Variants in LRRC4C observed in about 807,000 individuals in gnomAD.
LRRC4C encodes leucine rich repeat containing 4C, also known as leucine-rich repeat-containing protein 4C.
LRRC4C carries 5 observed loss-of-function variants against 33.6 expected under a neutral mutation model. The ratio of observed to expected loss-of-function variants is 0.15; its 90% CI spans 0.08 to 0.31. The LOEUF (loss-of-function observed/expected upper bound fraction) is 0.31, where lower values mean the gene tolerates loss of function less well. Among genes scored for constraint, LRRC4C ranks in the 10% least tolerant of loss-of-function variants. The pLI is 1.00. For synonymous variants in LRRC4C, 329 were observed against 302.0 expected (o/e 1.09, Z -0.93); for missense variants, 560 against 796.7 (o/e 0.70, Z 3.58).
intron 2 of LRRC4C, among the ~76,000 whole-genome samples, chr11:40,922,800 T>C (rs1337307956): frequency 6.6e-6 from 1 of 152,202 alleles, no homozygotes; most frequent in Non-Finnish European, 1.5e-5. Flanking sequence ...GTAGTATAGG[T>C]GAAGTGAATT....
intron 2 of LRRC4C, among the ~76,000 whole-genome samples, chr11:40,762,735 A>C (rs1234676741): frequency 6.6e-6 from 1 of 152,062 alleles, no homozygotes; most frequent in Admixed American, 6.6e-5. Flanking sequence ...CCCATTCCCT[A>C]TCTGTATCCT....
chr11:40,511,736 G>C (rs1590960921), intron 3 of LRRC4C, among the ~76,000 whole-genome samples: 1 of 152,308 alleles, frequency 6.6e-6, no homozygotes, highest in East Asian at 1.9e-4. Flanking sequence ...TTGGAGAAGA[G>C]TAATCCAGAA....
chr11:40,640,924 A>G (rs1967140), intron 3 of LRRC4C, among the ~76,000 whole-genome samples: 94,259 of 150,818 alleles, frequency 0.62, 30,493 homozygotes, highest in African/African-American at 0.8. Flanking sequence ...GCTGAGGCAG[A>G]AGAATGGCGT....
intron 1 of LRRC4C, among the ~76,000 whole-genome samples, chr11:40,981,129 T>C (rs374216727): frequency 3.3e-5 from 5 of 152,080 alleles, no homozygotes; most frequent in East Asian, 1.9e-4. Flanking sequence ...AAAAATCTAA[T>C]TGGCGGCTGG....
At chr11:40,799,266 G>T (rs1466495688) in intron 2 of LRRC4C, among the ~76,000 whole-genome samples, 3 of 151,598 alleles carry the variant, frequency 2.0e-5, no homozygotes, top group East Asian at 1.9e-4. Flanking sequence ...GTGTACCTTT[G>T]CATTGTTTTC....
intron 1 of LRRC4C, among the ~76,000 whole-genome samples, chr11:41,344,220 G>A (rs1267950009): frequency 7.1e-6 from 1 of 141,408 alleles, no homozygotes; most frequent in East Asian, 2.1e-4. Flanking sequence ...CCTCTGTGAA[G>A]CCTTTCTTTT....
At chr11:40,334,976 T>C (rs1232004907) in intron 3 of LRRC4C, among the ~76,000 whole-genome samples, 1 of 152,182 alleles carries the variant, frequency 6.6e-6, no homozygotes, top group African/African-American at 2.4e-5. Flanking sequence ...AATTAATCAA[T>C]ATCTGATTGT....
chr11:40,379,639 C>T (rs185089976), intron 3 of LRRC4C, among the ~76,000 whole-genome samples: 1,647 of 152,116 alleles, frequency 0.011, 13 homozygotes, highest in Middle Eastern at 0.054. Context: ...TTCTGATATC[C>T]CCTTCTTTCT....
chr11:41,065,336 C>A (rs1400926115), intron 1 of LRRC4C, among the ~76,000 whole-genome samples: 1 of 152,162 alleles, frequency 6.6e-6, no homozygotes, highest in Non-Finnish European at 1.5e-5. Flanking sequence ...TATGGCCAGA[C>A]TGCTTCTCTA....
chr11:40,474,137 ATAGCC>A (rs1482196433), intron 3 of LRRC4C, among the ~76,000 whole-genome samples: 6 of 152,190 alleles, frequency 3.9e-5, no homozygotes, highest in African/African-American at 7.2e-5. Flanking sequence ...AAGTGCCCAT[ATAGCC>A]AAGACAATCC....
intron 1 of LRRC4C, among the ~76,000 whole-genome samples, chr11:41,361,507 T>C (rs746048785): frequency 1.3e-5 from 2 of 152,210 alleles, no homozygotes; most frequent in African/African-American, 2.4e-5. Flanking sequence ...TAACATTTCC[T>C]TCTAAGCATT....
At chr11:40,213,631 T>A (rs568639199) in intron 5 of LRRC4C, among the ~76,000 whole-genome samples, 10 of 152,328 alleles carry the variant, frequency 6.6e-5, no homozygotes, top group Non-Finnish European at 1.2e-4. Flanking sequence ...TGGTATCTAC[T>A]ATACACGTAT....
chr11:40,492,333 T>C (rs923862455), intron 3 of LRRC4C, among the ~76,000 whole-genome samples: 2 of 152,216 alleles, frequency 1.3e-5, no homozygotes, highest in African/African-American at 4.8e-5. Flanking sequence ...TTTAAGTAGA[T>C]CCCACAGATA....
chr11:40,304,927 G>A (rs1944955630), intron 4 of LRRC4C, among the ~76,000 whole-genome samples: 1 of 152,062 alleles, frequency 6.6e-6, no homozygotes. Flanking sequence ...ACCATGTCCA[G>A]CTAATTTTTT....
At chr11:40,907,369 A>G (rs1234610930) in intron 2 of LRRC4C, among the ~76,000 whole-genome samples, 2 of 152,186 alleles carry the variant, frequency 1.3e-5, no homozygotes, top group African/African-American at 4.8e-5. Flanking sequence ...TTTTTCCTTT[A>G]AGAAACTCAC....
chr11:40,369,986 T>G (rs925702975), intron 3 of LRRC4C, among the ~76,000 whole-genome samples: 1 of 152,222 alleles, frequency 6.6e-6, no homozygotes, highest in African/African-American at 2.4e-5. Flanking sequence ...TATTTCCATT[T>G]TTTTTGGTAG....
chr11:40,163,567 T>G (rs907833167), intron 5 of LRRC4C, among the ~76,000 whole-genome samples: 13 of 152,188 alleles, frequency 8.5e-5, no homozygotes, highest in Non-Finnish European at 1.2e-4. Flanking sequence ...TGTATGAGTA[T>G]GTATATATTC....
At chr11:40,210,296 A>T (rs553386352) in intron 5 of LRRC4C, among the ~76,000 whole-genome samples, 1 of 149,348 alleles carries the variant, frequency 6.7e-6, no homozygotes, top group South Asian at 2.1e-4. Context: ...CCTGCTGGAT[A>T]TGCAATATAA....
At chr11:40,627,134 T>C (rs1304665370) in intron 3 of LRRC4C, among the ~76,000 whole-genome samples, 1 of 150,646 alleles carries the variant, frequency 6.6e-6, no homozygotes, top group East Asian at 2.0e-4. Flanking sequence ...GGTCTGCAAA[T>C]TGATAAGCAA....
Sources: allele counts gnomAD v4.1 joint callset (sites outside exome capture counted in the v4.1 genomes callset), GRCh38; gene constraint gnomAD v4.1.1; transcripts MANE v1.5; gene names NCBI Gene and HGNC (gene_info 2026-07-23, HGNC 2026-07-21).